The following PCDHGA2 variants were observed in gnomAD, a reference collection of about 807,000 sequenced individuals.
PCDHGA2 encodes protocadherin gamma subfamily A, 2.
A neutral mutation model predicts 59.2 loss-of-function variants in PCDHGA2; 40 were observed. That is an observed-to-expected ratio of 0.68 (90% CI 0.52 to 0.88). PCDHGA2 has a LOEUF of 0.88. Ranked by LOEUF, PCDHGA2 falls within the 40% of genes least tolerant of loss-of-function variation. PCDHGA2 has a pLI of 0.00. For missense variants in PCDHGA2, 1,226 were observed against 1,204.0 expected, an observed-to-expected ratio of 1.02 and a Z score of -0.27; for synonymous variants, 560 against 526.0, an observed-to-expected ratio of 1.06 and a Z score of -0.89.
chr5:141,371,657 G>C (rs761215785), intron 1 of PCDHGA2: 5 of 1,613,870 alleles, frequency 3.1e-6, no homozygotes, highest in South Asian at 1.1e-5. Flanking sequence ...ACAATGTGAC[G>C]ATCACAGCTA....
At chr5:141,351,951 G>C in intron 1 of PCDHGA2, 1 of 1,613,068 alleles carries the variant, frequency 6.2e-7, no homozygotes, top group Non-Finnish European at 8.5e-7. Context: ...CCCGCGCTGG[G>C]GCCTGATGGC....
intron 1 of PCDHGA2, chr5:141,373,900 C>G (rs1392088085): frequency 1.8e-6 from 1 of 550,068 alleles, no homozygotes; most frequent in Non-Finnish European, 3.0e-6. Context: ...CAAGTTACAT[C>G]CTCCAACAAC....
chr5:141,509,586 T>A (rs2154594569), intron 3 of PCDHGA2, among the ~76,000 whole-genome samples: 1 of 152,302 alleles, frequency 6.6e-6, no homozygotes, highest in East Asian at 1.9e-4. Flanking sequence ...ACAAATCAGC[T>A]GGCAATTCCG....
At chr5:141,457,791 A>G (rs554446263) in intron 1 of PCDHGA2, among the ~76,000 whole-genome samples, 1 of 152,318 alleles carries the variant, frequency 6.6e-6, no homozygotes, top group South Asian at 2.1e-4. Flanking sequence ...GAGTTGGGTT[A>G]TCCTCTCCTC....
At chr5:141,360,315 C>T (rs747029158) in intron 1 of PCDHGA2, 2 of 1,613,966 alleles carry the variant, frequency 1.2e-6, no homozygotes, top group Admixed American at 1.7e-5. Flanking sequence ...GCGTCCGGGA[C>T]TTGCCAGCCC....
At chr5:141,371,108 C>T (rs754711722) in intron 1 of PCDHGA2, 1 of 1,613,760 alleles carries the variant, frequency 6.2e-7, no homozygotes, top group African/African-American at 1.3e-5. Context: ...CAAATGATAA[C>T]CCCCCAGTAT....
In PCDHGA2 at chr5:141,361,360, G is replaced by C. The variant is rs772255956; in HGVS notation, c.2424+19965G>C. On this transcript the variant is annotated intron_variant, in intron 1 of 3. Transcript: ENST00000394576. ...CTATTACAAACTAGTGACAGACGGC[G>C]CTCTGGACCGGGAGGAGATCCCAGA... is the stretch of plus-strand genomic sequence containing the variant. 1.2e-5 allele frequency: 20 copies of C among 1,613,944 alleles called. No homozygotes were observed. The highest frequency in any genetic ancestry group is 1.7e-5 in the Non-Finnish European group (20 of 1,179,886).
chr5:141,433,460 T>C (rs892333304), intron 1 of PCDHGA2, among the ~76,000 whole-genome samples: 1 of 152,064 alleles, frequency 6.6e-6, no homozygotes, highest in Non-Finnish European at 1.5e-5. Context: ...GATCTGAAAC[T>C]TGGGCTCAGG....
intron 1 of PCDHGA2, chr5:141,404,086 G>A: frequency 6.2e-7 from 1 of 1,613,630 alleles, no homozygotes; most frequent in Non-Finnish European, 8.5e-7. Flanking sequence ...ACTCCGGGAA[G>A]AATGGTCAAG....
intron 1 of PCDHGA2, among the ~76,000 whole-genome samples, chr5:141,468,165 A>T (rs1249592462): frequency 1.3e-5 from 2 of 151,940 alleles, no homozygotes; most frequent in Non-Finnish European, 2.9e-5. Flanking sequence ...TCTCTGCTAA[A>T]AATAGAAAAA....
intron 1 of PCDHGA2, among the ~76,000 whole-genome samples, chr5:141,456,276 C>T (rs1319517390): frequency 1.3e-5 from 2 of 152,146 alleles, no homozygotes; most frequent in South Asian, 4.1e-4. Flanking sequence ...CTACTTCCTG[C>T]TGAAAAGGGG....
chr5:141,348,888 G>T (rs1758199041), intron 1 of PCDHGA2, among the ~76,000 whole-genome samples: 1 of 152,128 alleles, frequency 6.6e-6, no homozygotes, highest in Admixed American at 6.5e-5. Flanking sequence ...GATCTCATTT[G>T]GTAATGCATT....
Position 141,491,795 on chromosome 5 carries a change from C to T in PCDHGA2, c.2425-3012C>T. On this transcript the variant is annotated intron_variant, in intron 1 of 3. Coordinates refer to ENST00000394576, the MANE Select transcript of PCDHGA2 (RefSeq NM_018915.4). This position sits in a 1 kb window ranked among gnomAD's most constrained non-coding sequence, Gnocchi z 6.9. ...GGATTGAACTTGCATCCACTCCTCT[C>T]CGGCCGGCTTGGTCGCTGGCTGCGC... 6 of 1,511,694 alleles carry T rather than the reference C, an allele frequency of 4.0e-6. No individual in the cohort carries two copies. Among genetic ancestry groups the T allele is most frequent in the Non-Finnish European group, 5.3e-6 (6 of 1,130,430 alleles). 93.6% of individuals were successfully genotyped at this position (1,511,694 alleles called of 1,614,324 possible).
intron 1 of PCDHGA2, among the ~76,000 whole-genome samples, chr5:141,438,647 CACACAT>C (rs1324641788): frequency 3.8e-5 from 4 of 106,486 alleles, no homozygotes; most frequent in South Asian, 2.8e-4. Flanking sequence ...CACACACACA[CACACAT>C]ATATGTATAT....
intron 1 of PCDHGA2, chr5:141,421,696 A>G: frequency 6.2e-7 from 1 of 1,613,886 alleles, no homozygotes; most frequent in Non-Finnish European, 8.5e-7. Context: ...TGCTCTTCCT[A>G]ATGCTAGGGA....
intron 1 of PCDHGA2, among the ~76,000 whole-genome samples, chr5:141,439,449 G>A (rs761506247): frequency 4.6e-5 from 7 of 152,184 alleles, no homozygotes; most frequent in Admixed American, 3.9e-4. Context: ...TATTGCGGGA[G>A]CAAGACTGCA....
chr5:141,339,365 C>T lies in PCDHGA2; in HGVS notation c.394C>T (p.Arg132Cys). 6.2e-7 allele frequency: 1 copy of T among 1,614,186 alleles called. No individual in the cohort carries two copies. The highest frequency in any genetic ancestry group is 8.5e-7 in the Non-Finnish European group (1 of 1,179,980). Residue 132 changes from arginine to cysteine, a missense_variant, in exon 1 of 4, where the codon CGC (arginine) becomes TGC (cysteine). Arg to Cys is a radical substitution (Grantham distance 180, BLOSUM62 -3). Transcript: ENST00000394576. ...EITDINDNAP[R>C]FGVEELELKI... ...AACAGATATTAACGATAATGCCCCT[C>T]GCTTTGGAGTAGAGGAACTGGAGCT... is the stretch of plus-strand genomic sequence containing the variant.
chr5:141,419,830 T>G, intron 1 of PCDHGA2: 1 of 1,614,052 alleles, frequency 6.2e-7, no homozygotes, highest in African/African-American at 1.3e-5. Context: ...TTTCAGCCAC[T>G]GCCACGCTGC....
At chr5:141,502,001 C>T (rs2099812274) in intron 2 of PCDHGA2, among the ~76,000 whole-genome samples, 2 of 152,106 alleles carry the variant, frequency 1.3e-5, no homozygotes, top group Admixed American at 1.3e-4. Flanking sequence ...CCCTGACAAC[C>T]CGCATGCTCT....
Sources: gnomAD v4.1 joint callset for allele counts (sites outside exome capture counted in the v4.1 genomes callset) on GRCh38, gnomAD v4.1.1 for gene constraint, Gnocchi (gnomAD v3.1) non-coding constraint, MANE v1.5 for transcripts, NCBI Gene and HGNC (gene_info 2026-07-23, HGNC 2026-07-21) for gene names.